The following MIPEP variants were observed in gnomAD, a reference collection of about 807,000 sequenced individuals.
The protein encoded by MIPEP is mitochondrial intermediate peptidase.
A neutral mutation model predicts 90.3 loss-of-function variants in MIPEP; 79 were observed. The ratio of observed to expected loss-of-function variants is 0.87; its 90% CI spans 0.73 to 1.05. The LOEUF (loss-of-function observed/expected upper bound fraction) is 1.05, where lower values mean the gene tolerates loss of function less well. Ranked by LOEUF, MIPEP falls within the 50% of genes least tolerant of loss-of-function variation. The probability of loss-of-function intolerance (pLI) is 0.00; values close to 1 mark genes in which losing one functional copy is unlikely to be tolerated. For synonymous variants in MIPEP, 334 were observed against 315.8 expected (o/e 1.06, Z -0.61); for missense variants, 940 against 905.6 (o/e 1.04, Z -0.49).
At chr13:23,748,205 TA>T (rs1722888777) in intron 18 of MIPEP, among the ~76,000 whole-genome samples, 1 of 152,250 alleles carries the variant, frequency 6.6e-6, no homozygotes. Flanking sequence ...CACACCCAGC[TA>T]AATCACAACT....
intron 12 of MIPEP, 99 bp from the exon 13 acceptor site, chr13:23,837,855 G>T: frequency 1.2e-6 from 1 of 829,302 alleles, no homozygotes; most frequent in Non-Finnish European, 1.9e-6. Flanking sequence ...AAATGTGTGA[G>T]TGCAAACTTT....
At chr13:23,741,534 T>C (rs532909830) in intron 18 of MIPEP, among the ~76,000 whole-genome samples, 3 of 152,136 alleles carry the variant, frequency 2.0e-5, no homozygotes, top group East Asian at 1.9e-4. Context: ...CTGGATGGAG[T>C]TGGAGGCCAT....
rs762471497 is a variant in MIPEP, at chr13:23,828,040, T to C, written c.1653+8200A>G. On this transcript the variant is annotated intron_variant, in intron 14 of 18. Coordinates refer to ENST00000382172, the MANE Select transcript of MIPEP (RefSeq NM_005932.4). ...AATCCTGAAATGCAAAGGTGGCTAA[T>C]GTTTAACATTAACATTCACTACATT... Among the ~76,000 whole-genome samples, 24 of 152,346 alleles carry C rather than the reference T, an allele frequency of 1.6e-4. 1 individual carries two copies. The highest frequency in any genetic ancestry group is 3.4e-3 in the Middle Eastern group (1 of 294).
At chr13:23,771,566 C>T (rs1952651715) in intron 16 of MIPEP, among the ~76,000 whole-genome samples, 1 of 144,958 alleles carries the variant, frequency 6.9e-6, no homozygotes, top group South Asian at 2.1e-4. Flanking sequence ...CACACACACA[C>T]ACATCTGCAT....
At chr13:23,764,155 C>A (rs565815236) in intron 16 of MIPEP, among the ~76,000 whole-genome samples, 1 of 152,306 alleles carries the variant, frequency 6.6e-6, no homozygotes, top group East Asian at 1.9e-4. Flanking sequence ...ATGCAAACAT[C>A]TTTGTAGTTT....
intron 10 of MIPEP, among the ~76,000 whole-genome samples, chr13:23,855,561 C>T (rs1870013783): frequency 6.6e-6 from 1 of 152,160 alleles, no homozygotes; most frequent in South Asian, 2.1e-4. Flanking sequence ...GAAATCTTCA[C>T]TTTGTTCCAC....
At chr13:23,813,626 T>A (rs957494051) in intron 14 of MIPEP, among the ~76,000 whole-genome samples, 3 of 152,158 alleles carry the variant, frequency 2.0e-5, no homozygotes, top group African/African-American at 7.2e-5. Flanking sequence ...AAATAGGCTT[T>A]CACTGTATTG....
intron 16 of MIPEP, among the ~76,000 whole-genome samples, chr13:23,802,573 A>AG (rs906342968): frequency 2.6e-5 from 4 of 152,152 alleles, no homozygotes; most frequent in Admixed American, 6.5e-5. Context: ...ATCTGAAGGC[A>AG]GGGGGGGAAG....
rs1351602631 is a variant in MIPEP at position 23,814,552 on chromosome 13, C to T, written c.1654-4628G>A. Among the ~76,000 whole-genome samples, 22 of 152,150 alleles carry T rather than the reference C, an allele frequency of 1.4e-4. 1 individual carries two copies. The highest frequency in any genetic ancestry group is 1.2e-3 in the Admixed American group (18 of 15,276). ...CTGGGATTACAGGTGTGAGCCACCA[C>T]GCCTGGTCCCATACTTATTAAAAAT... On this transcript the variant is annotated intron_variant, in intron 14 of 18. Transcript: ENST00000382172.
rs556942023 is a variant in MIPEP at position 23,790,720 on chromosome 13, C to G, written c.1848+15230G>C. On this transcript the variant is annotated intron_variant, in intron 16 of 18. Coordinates refer to ENST00000382172, the MANE Select transcript of MIPEP (RefSeq NM_005932.4). ...TAGGGGCCTCTGGAAGAAGTCAGCC[C>G]TGCTGACATCTTCATTCAGCCCATT... is the stretch of plus-strand genomic sequence containing the variant. Among the ~76,000 whole-genome samples the G allele has an allele frequency of 7.9e-5, 12 of 152,332 alleles. No individual in the cohort carries two copies. In the East Asian group the frequency reaches 1.2e-3, roughly 15 times the overall value.
In MIPEP at chr13:23,870,204, A is replaced by G. The variant is rs776733524; in HGVS notation, c.604-9T>C. ...TCCACTGCTCTTTTACGCTGTATGC[A>G]GGAGGAGTAAAAGTTATTTAAAGGC... On this transcript the variant is annotated splice_polypyrimidine_tract_variant and intron_variant, in intron 5 of 18. Transcript: ENST00000382172. The G allele has an allele frequency of 4.0e-6, 6 of 1,514,686 alleles. No homozygotes were observed. Among genetic ancestry groups the G allele is most frequent in the Non-Finnish European group, 4.4e-6 (5 of 1,128,652 alleles). 93.8% of individuals were successfully genotyped at this position (1,514,686 alleles called of 1,614,324 possible).
At chr13:23,867,577 A>G (rs1432666042) in intron 7 of MIPEP, among the ~76,000 whole-genome samples, 1 of 152,186 alleles carries the variant, frequency 6.6e-6, no homozygotes, top group Admixed American at 6.5e-5. Context: ...CCTTGCTCCC[A>G]AGAATGTAAA....
At chr13:23,820,533 A>C (rs1411396736) in intron 14 of MIPEP, among the ~76,000 whole-genome samples, 2 of 152,260 alleles carry the variant, frequency 1.3e-5, no homozygotes, top group African/African-American at 4.8e-5. Context: ...AATAAAAGAA[A>C]GAATTCTTAT....
intron 16 of MIPEP, among the ~76,000 whole-genome samples, chr13:23,761,898 C>A (rs2138518584): frequency 6.6e-6 from 1 of 152,324 alleles, no homozygotes; most frequent in East Asian, 1.9e-4. Flanking sequence ...GCTGAGGCAG[C>A]TGGGTCACTT....
chr13:23,732,954 C>T (rs973829361), intron 18 of MIPEP, among the ~76,000 whole-genome samples: 1 of 152,160 alleles, frequency 6.6e-6, no homozygotes, highest in Admixed American at 6.5e-5. Context: ...AACTCTAATG[C>T]TATGCATGTA....
chr13:23,876,837 T>C (rs1871094303), intron 4 of MIPEP, among the ~76,000 whole-genome samples: 1 of 152,210 alleles, frequency 6.6e-6, no homozygotes, highest in Non-Finnish European at 1.5e-5. Context: ...AGTTTTATAA[T>C]TTCTTTTAAA....
At chr13:23,763,499 T>C (rs547554382) in intron 16 of MIPEP, among the ~76,000 whole-genome samples, 14 of 152,342 alleles carry the variant, frequency 9.2e-5, no homozygotes, top group African/African-American at 2.9e-4. Context: ...TCTGTTTAGA[T>C]TCAAGCTGAA....
chr13:23,809,311 T>A (rs148799717), intron 15 of MIPEP, among the ~76,000 whole-genome samples: 31 of 152,244 alleles, frequency 2.0e-4, no homozygotes, highest in African/African-American at 7.5e-4. Context: ...GTAAATTTTC[T>A]AAGCTTTCAT....
At chr13:23,777,215 AT>A (rs1952728288) in intron 16 of MIPEP, among the ~76,000 whole-genome samples, 1 of 152,182 alleles carries the variant, frequency 6.6e-6, no homozygotes, top group Admixed American at 6.5e-5. Context: ...ACTTTAAAGT[AT>A]TTGTGTTTCT....
Sources: gnomAD v4.1 joint callset for allele counts (sites outside exome capture counted in the v4.1 genomes callset) on GRCh38, gnomAD v4.1.1 for gene constraint, MANE v1.5 for transcripts, NCBI Gene and HGNC (gene_info 2026-07-23, HGNC 2026-07-21) for gene names.